KIAA0040: variants seen among roughly 807,000 people sequenced by gnomAD.
KIAA0040 encodes the protein uncharacterized protein KIAA0040.
A neutral mutation model predicts 7.2 loss-of-function variants in KIAA0040; 10 were observed. The observed-to-expected ratio is 1.38, with a 90% confidence interval of 0.85 to 2.34. The LOEUF (loss-of-function observed/expected upper bound fraction) is 2.34. KIAA0040 is among the 30% of genes most tolerant of loss of function. KIAA0040 has a pLI of 0.00. For synonymous variants in KIAA0040, 49 were observed against 40.1 expected, an observed-to-expected ratio of 1.22 and a Z score of -0.84; for missense variants, 89 against 108.2, an observed-to-expected ratio of 0.82 and a Z score of 0.79.
chr1:175,160,546 C>CCTGGGACTGCCCTCCA lies in KIAA0040; in HGVS notation c.*152_*167dup. 1 of 664,314 alleles carries CCTGGGACTGCCCTCCA rather than the reference C, an allele frequency of 1.5e-6. No individual in the cohort carries two copies. Among genetic ancestry groups the CCTGGGACTGCCCTCCA allele is most frequent in the Non-Finnish European group, 2.5e-6 (1 of 399,156 alleles). The allele number at this position is 664,314 out of a possible 1,614,324, so 41.2% of individuals were successfully genotyped here. A position where few individuals can be genotyped will look rare whatever the true frequency, so the allele number is the denominator to read the frequency against. ...GTATCCAAGAATTGTCCACGTGGTC[C>CCTGGGACTGCCCTCCA]CTGGGACTGCCCTCCACTGGGACAC... On this transcript the variant is annotated 3_prime_UTR_variant, in exon 4 of 4. Coordinates refer to ENST00000423313, the MANE Select transcript of KIAA0040 (RefSeq NM_014656.3).
chr1:175,191,480 C>A (rs1677863624), intron 1 of KIAA0040, among the ~76,000 whole-genome samples: 1 of 152,240 alleles, frequency 6.6e-6, no homozygotes, highest in South Asian at 2.1e-4. Flanking sequence ...GTCAGATTTT[C>A]CTGTACAGCT....
chr1:175,174,762 C>G (rs867313558), intron 2 of KIAA0040, among the ~76,000 whole-genome samples: 4 of 151,824 alleles, frequency 2.6e-5, no homozygotes, highest in Non-Finnish European at 2.9e-5. Flanking sequence ...CATAGGGGAA[C>G]TCTAATACCA....
At chr1:175,175,058 C>G (rs1003727916) in intron 2 of KIAA0040, among the ~76,000 whole-genome samples, 1 of 152,138 alleles carries the variant, frequency 6.6e-6, no homozygotes, top group Non-Finnish European at 1.5e-5. Context: ...TTGAGTGGGG[C>G]GTTGCCTTTT....
In KIAA0040 at chr1:175,157,434, T is replaced by G. The variant is rs1676324556; in HGVS notation, c.*3280A>C. 6.6e-6 allele frequency: 1 copy of G among 152,230 alleles called. No individual in the cohort carries two copies. Among genetic ancestry groups the G allele is most frequent in the Admixed American group, 6.5e-5 (1 of 15,280 alleles). 9.4% of individuals were successfully genotyped at this position (152,230 alleles called of 1,614,324 possible). On this transcript the variant is annotated 3_prime_UTR_variant, in exon 4 of 4. Coordinates refer to ENST00000423313, the MANE Select transcript of KIAA0040 (RefSeq NM_014656.3). ...GGTGACCAGGGAGGGCTGGGACATTTGTGTCACAGAAAGAGTCCCTGCATT... is the reference window on the plus strand; with the variant it reads ...GGTGACCAGGGAGGGCTGGGACATTGGTGTCACAGAAAGAGTCCCTGCATT...
chr1:175,182,889 A>G (rs1177153552), intron 1 of KIAA0040, among the ~76,000 whole-genome samples: 1 of 152,210 alleles, frequency 6.6e-6, no homozygotes, highest in African/African-American at 2.4e-5. Flanking sequence ...CCCTGTAGGC[A>G]TCTGAGCTTG....
At chr1:175,175,744 G>T (rs1161523995) in intron 2 of KIAA0040, among the ~76,000 whole-genome samples, 1 of 152,204 alleles carries the variant, frequency 6.6e-6, no homozygotes, top group East Asian at 1.9e-4. Flanking sequence ...GATGAAGCTG[G>T]AAACCATCAT....
intron 2 of KIAA0040, among the ~76,000 whole-genome samples, chr1:175,169,595 A>T (rs775340298): frequency 2.0e-5 from 3 of 152,074 alleles, no homozygotes; most frequent in Non-Finnish European, 4.4e-5. Context: ...TTCAAATGTG[A>T]GATGGTTCTG....
At chr1:175,188,147 C>T (rs1677734960) in intron 1 of KIAA0040, among the ~76,000 whole-genome samples, 1 of 152,178 alleles carries the variant, frequency 6.6e-6, no homozygotes, top group African/African-American at 2.4e-5. Context: ...TGCTCACAAT[C>T]GTGGGAGCAA....
At chr1:175,172,981 T>C (rs1455193667) in intron 2 of KIAA0040, among the ~76,000 whole-genome samples, 1 of 152,238 alleles carries the variant, frequency 6.6e-6, no homozygotes, top group East Asian at 1.9e-4. Context: ...ATAATTATTT[T>C]GCTCTAATTA....
chr1:175,164,056 G>C (rs1487387665), intron 3 of KIAA0040, among the ~76,000 whole-genome samples: 1 of 152,166 alleles, frequency 6.6e-6, no homozygotes, highest in Non-Finnish European at 1.5e-5. Context: ...CTGGAGCTCA[G>C]GGTGGGAGAA....
chr1:175,173,663 T>C (rs1308793890), intron 2 of KIAA0040, among the ~76,000 whole-genome samples: 1 of 152,224 alleles, frequency 6.6e-6, no homozygotes, highest in African/African-American at 2.4e-5. Context: ...TATTCATCTA[T>C]CAACATGTAA....
chr1:175,161,135 C>G lies in KIAA0040; in HGVS notation c.-122G>C. The G allele has an allele frequency of 1.2e-6, 1 of 839,090 alleles. No individual in the cohort carries two copies. Among genetic ancestry groups the G allele is most frequent in the Non-Finnish European group, 1.8e-6 (1 of 541,514 alleles). 52.0% of individuals were successfully genotyped at this position (839,090 alleles called of 1,614,324 possible). On this transcript the variant is annotated 5_prime_UTR_variant, in exon 4 of 4. Transcript: ENST00000423313. ...CTTCCAGCTTTGGGTTTGGGCATGCCACTGGCAGCACCTGAAGAGATTAAA... is the reference window on the plus strand; with the variant it reads ...CTTCCAGCTTTGGGTTTGGGCATGCGACTGGCAGCACCTGAAGAGATTAAA...
In KIAA0040 at chr1:175,157,760, G is replaced by C. The variant is rs757219335; in HGVS notation, c.*2954C>G. 1 of 152,016 alleles carries C rather than the reference G, an allele frequency of 6.6e-6. No homozygotes were observed. The highest frequency in any genetic ancestry group is 1.5e-5 in the Non-Finnish European group (1 of 68,066). The allele number at this position is 152,016 out of a possible 1,614,324, so 9.4% of individuals were successfully genotyped here. A position where few individuals can be genotyped will look rare whatever the true frequency, so the allele number is the denominator to read the frequency against. On this transcript the variant is annotated 3_prime_UTR_variant, in exon 4 of 4. Transcript: ENST00000423313. Reference sequence around the variant, plus strand: ...GAGCAATGGGGAAAGGCCTCCTCTGGCTGCCGTCCGGAGCCTGGCTAAAGC... The same window carrying C: ...GAGCAATGGGGAAAGGCCTCCTCTGCCTGCCGTCCGGAGCCTGGCTAAAGC...
chr1:175,187,543 T>C (rs1232225051), intron 1 of KIAA0040, among the ~76,000 whole-genome samples: 1 of 152,214 alleles, frequency 6.6e-6, no homozygotes. Context: ...ATATCTTACT[T>C]GAGTTGGGGA....
intron 1 of KIAA0040, among the ~76,000 whole-genome samples, chr1:175,178,917 T>A (rs1677319362): frequency 6.9e-6 from 1 of 144,670 alleles, no homozygotes. Context: ...CAGGTACTAT[T>A]AGAAAGGAGA....
Position 175,160,959 on chromosome 1 carries a change from G to A in KIAA0040, c.55C>T (p.His19Tyr), listed in dbSNP as rs770139739. Residue 19 changes from histidine to tyrosine, a missense_variant, in exon 4 of 4, where the codon CAC becomes TAC. Transcript: ENST00000423313. ...SSIWDTILTK[H>Y]QEGIYNTICL... ...ATGGTGTTGTAGATGCCTTCTTGGT[G>A]TTTGGTCAAGATGGTGTCCCAGATA... is the stretch of plus-strand genomic sequence containing the variant. 3.9e-5 allele frequency: 61 copies of A among 1,551,480 alleles called. No homozygotes were observed. The highest frequency in any genetic ancestry group is 4.8e-5 in the Non-Finnish European group (55 of 1,146,998).
At chr1:175,162,837 G>A (rs531939964) in intron 3 of KIAA0040, among the ~76,000 whole-genome samples, 49 of 152,278 alleles carry the variant, frequency 3.2e-4, no homozygotes, top group Middle Eastern at 3.4e-3. Context: ...TTTTGCAAGC[G>A]TACAAATTGG....
At chr1:175,189,480 C>T (rs1041459723) in intron 1 of KIAA0040, among the ~76,000 whole-genome samples, 2 of 152,108 alleles carry the variant, frequency 1.3e-5, no homozygotes, top group Non-Finnish European at 2.9e-5. Flanking sequence ...CAAGCAATAG[C>T]AGAGCATTGA....
At position 175,158,946 on chromosome 1, in the gene KIAA0040, G is replaced by A. The variant is rs1372545538; in HGVS notation, c.*1768C>T. 6.6e-6 allele frequency: 1 copy of A among 152,184 alleles called. No individual in the cohort carries two copies. Among genetic ancestry groups the A allele is most frequent in the Non-Finnish European group, 1.5e-5 (1 of 68,030 alleles). The allele number at this position is 152,184 out of a possible 1,614,324, so 9.4% of individuals were successfully genotyped here. A position where few individuals can be genotyped will look rare whatever the true frequency, so the allele number is the denominator to read the frequency against. On this transcript the variant is annotated 3_prime_UTR_variant, in exon 4 of 4. Transcript: ENST00000423313. ...CAGGTGAGTACCAAGCAGCCCAAGTGAGCAAATAGAATATATCTTTCCTTT... is the reference window on the plus strand; with the variant it reads ...CAGGTGAGTACCAAGCAGCCCAAGTAAGCAAATAGAATATATCTTTCCTTT...
Sources: allele counts gnomAD v4.1 joint callset (sites outside exome capture counted in the v4.1 genomes callset), GRCh38; gene constraint gnomAD v4.1.1; transcripts MANE v1.5; gene names NCBI Gene and HGNC (gene_info 2026-07-23, HGNC 2026-07-21).